Variants in PPARGC1A observed in about 807,000 individuals in gnomAD.
PPARGC1A encodes the protein peroxisome proliferator-activated receptor gamma coactivator 1-alpha.
Under a neutral mutation model 88.7 loss-of-function variants are expected in PPARGC1A, and 25 were observed. The observed-to-expected ratio is 0.28, with a 90% CI of 0.21 to 0.39. PPARGC1A has a LOEUF of 0.39. PPARGC1A is among the 10% of genes least tolerant of loss of function. PPARGC1A has a pLI of 1.00. For synonymous variants in PPARGC1A, 363 were observed against 355.6 expected (o/e 1.02, Z -0.24); for missense variants, 880 against 968.7 (o/e 0.91, Z 1.22).
the PPARGC1A span, among the ~76,000 whole-genome samples, chr4:24,043,580 C>T: frequency 1.3e-5 from 2 of 152,248 alleles, no homozygotes; most frequent in East Asian, 1.9e-4. Context: ...TTAAATGTTA[C>T]CTCATCGATC....
chr4:24,214,032 AAC>A, the PPARGC1A span, among the ~76,000 whole-genome samples: 3 of 152,222 alleles, frequency 2.0e-5, no homozygotes, highest in Non-Finnish European at 4.4e-5. Flanking sequence ...CGATCAAGAA[AAC>A]ACACATAAAA....
the PPARGC1A span, among the ~76,000 whole-genome samples, chr4:24,454,682 G>A: frequency 6.6e-6 from 1 of 151,826 alleles, no homozygotes; most frequent in African/African-American, 2.4e-5. Context: ...AGGCTGCAGT[G>A]AGCCAGGATT....
the PPARGC1A span, among the ~76,000 whole-genome samples, chr4:24,357,651 TC>T: frequency 1.3e-5 from 2 of 152,160 alleles, no homozygotes; most frequent in African/African-American, 4.8e-5. Flanking sequence ...GAATTGTAGC[TC>T]CCATAATTCC....
At chr4:23,899,617 G>A (rs1719049793), upstream of PPARGC1A, among the ~76,000 whole-genome samples, 1 of 152,188 alleles carries the variant, frequency 6.6e-6, no homozygotes, top group Non-Finnish European at 1.5e-5. Flanking sequence ...ACACCAAAAT[G>A]TAGATAAATC....
At chr4:23,969,986 A>G in the PPARGC1A span, among the ~76,000 whole-genome samples, 1 of 152,186 alleles carries the variant, frequency 6.6e-6, no homozygotes, top group Non-Finnish European at 1.5e-5. Context: ...AACATGCCAA[A>G]AGCAAAAGAG....
chr4:24,249,965 G>A, the PPARGC1A span, among the ~76,000 whole-genome samples: 27 of 152,192 alleles, frequency 1.8e-4, no homozygotes, highest in Admixed American at 1.3e-4. Flanking sequence ...ATTAACCAAC[G>A]GGCAGAAGTT....
At chr4:24,310,041 A>G in the PPARGC1A span, among the ~76,000 whole-genome samples, 1 of 152,208 alleles carries the variant, frequency 6.6e-6, no homozygotes, top group African/African-American at 2.4e-5. Context: ...ATGGTATTCC[A>G]TTTATTGAGA....
chr4:24,173,122 C>A, the PPARGC1A span, among the ~76,000 whole-genome samples: 1 of 152,078 alleles, frequency 6.6e-6, no homozygotes, highest in African/African-American at 2.4e-5. Flanking sequence ...GGTGACAGGG[C>A]ATGCTCTCTG....
At chr4:24,441,922 A>G in the PPARGC1A span, among the ~76,000 whole-genome samples, 3 of 152,252 alleles carry the variant, frequency 2.0e-5, no homozygotes, top group Admixed American at 6.5e-5. Context: ...CTTAAAATTC[A>G]GTAGCATCAG....
chr4:24,309,410 T>C, the PPARGC1A span, among the ~76,000 whole-genome samples: 1 of 152,196 alleles, frequency 6.6e-6, no homozygotes, highest in East Asian at 1.9e-4. Flanking sequence ...AGGGGGATAG[T>C]GTGACTGGAG....
the PPARGC1A span, among the ~76,000 whole-genome samples, chr4:24,393,162 CA>C: frequency 1.3e-5 from 2 of 152,118 alleles, no homozygotes; most frequent in African/African-American, 4.8e-5. Flanking sequence ...AAGAACAATG[CA>C]GGTGCTACAA....
At chr4:24,377,466 C>T in the PPARGC1A span, among the ~76,000 whole-genome samples, 1 of 152,144 alleles carries the variant, frequency 6.6e-6, no homozygotes, top group East Asian at 1.9e-4. Context: ...GGCATAAAAG[C>T]AAAATTCCTG....
the PPARGC1A span, among the ~76,000 whole-genome samples, chr4:24,460,139 A>G: frequency 2.0e-5 from 3 of 152,200 alleles, no homozygotes; most frequent in Non-Finnish European, 4.4e-5. Context: ...ATGCAAAGAG[A>G]TTTAATACAG....
At chr4:24,270,955 T>A in the PPARGC1A span, among the ~76,000 whole-genome samples, 1 of 152,194 alleles carries the variant, frequency 6.6e-6, no homozygotes, top group East Asian at 1.9e-4. Flanking sequence ...CACAGTATAA[T>A]CATTTTGTAT....
At chr4:23,913,267 TAG>T in the PPARGC1A span, among the ~76,000 whole-genome samples, 6,857 of 76,372 alleles carry the variant, frequency 0.09, 172 homozygotes, top group Admixed American at 0.1. Context: ...TATATATATA[TAG>T]AGAGAGAGAG....
At chr4:24,326,215 T>C in the PPARGC1A span, among the ~76,000 whole-genome samples, 3 of 152,172 alleles carry the variant, frequency 2.0e-5, no homozygotes, top group Non-Finnish European at 4.4e-5. Flanking sequence ...TCCCACAGCA[T>C]GCTTTGAAAG....
the PPARGC1A span, among the ~76,000 whole-genome samples, chr4:23,916,241 T>G: frequency 1.3e-5 from 2 of 152,214 alleles, no homozygotes; most frequent in African/African-American, 2.4e-5. Context: ...ATAACTACCT[T>G]TGGCATAGAT....
the PPARGC1A span, among the ~76,000 whole-genome samples, chr4:24,256,231 G>A: frequency 6.6e-6 from 1 of 152,140 alleles, no homozygotes; most frequent in Admixed American, 6.5e-5. Flanking sequence ...TGTGGGGAAG[G>A]GAGGGAGTCT....
At chr4:23,954,748 A>G in the PPARGC1A span, among the ~76,000 whole-genome samples, 2 of 152,012 alleles carry the variant, frequency 1.3e-5, no homozygotes, top group Non-Finnish European at 2.9e-5. Context: ...TTTATTTTTA[A>G]TAATTATAAC....
Sources: gnomAD v4.1 joint callset for allele counts (sites outside exome capture counted in the v4.1 genomes callset) on GRCh38, gnomAD v4.1.1 for gene constraint, MANE v1.5 for transcripts, NCBI Gene and HGNC (gene_info 2026-07-23, HGNC 2026-07-21) for gene names.